FCRL5: variants seen among roughly 807,000 people sequenced by gnomAD.
FCRL5 encodes Fc receptor like 5.
In FCRL5, 79 loss-of-function variants were observed where a neutral mutation model predicts 92.1. That is an observed-to-expected ratio of 0.86 (90% CI 0.72 to 1.03). The LOEUF (loss-of-function observed/expected upper bound fraction) is 1.03, where lower values mean the gene tolerates loss of function less well. FCRL5 is among the 50% of genes least tolerant of loss of function. The pLI is 0.00. For missense variants in FCRL5, 1,160 were observed against 1,181.1 expected, an observed-to-expected ratio of 0.98 and a Z score of 0.26; for synonymous variants, 466 against 469.3, an observed-to-expected ratio of 0.99 and a Z score of 0.09.
intron 7 of FCRL5, among the ~76,000 whole-genome samples, chr1:157,536,154 C>T (rs1271405412): frequency 2.0e-5 from 3 of 151,974 alleles, no homozygotes; most frequent in Non-Finnish European, 4.4e-5. Context: ...GTTGGCCAGG[C>T]TGGTCTCAAA....
Position 157,544,367 on chromosome 1 carries a change from T to C in FCRL5, c.739A>G (p.Ile247Val). 6.2e-7 allele frequency: 1 copy of C among 1,614,176 alleles called. No individual in the cohort carries two copies. Among genetic ancestry groups the C allele is most frequent in the Non-Finnish European group, 8.5e-7 (1 of 1,180,026 alleles). The change falls in exon 5 of 17, where the codon ATT (isoleucine) becomes GTT (valine). Residue 247 changes from isoleucine to valine, a missense_variant. Physicochemically the swap from Ile to Val is conservative, Grantham distance 29 (BLOSUM62 3). Transcript: ENST00000361835. ...GAATCTTTACTCCACATGGCAGTAA[T>C]CTGGAAATTCGGGGAGAGACTCCAG... The part of the protein sequence containing the change: ...LGWSLSPNFQ[I>V]TAMWSKDSGF...
chr1:157,515,954 G>A lies in FCRL5; in HGVS notation c.2813-81C>T. 4 of 1,492,128 alleles carry A rather than the reference G, an allele frequency of 2.7e-6. No homozygotes were observed. The South Asian group carries it at 3.4e-5, about 13-fold the overall frequency. 92.4% of individuals were successfully genotyped at this position (1,492,128 alleles called of 1,614,324 possible). The stretch of plus-strand genomic sequence containing the variant: ...GTGCCTGCGCTGTGGGGCCAGCCCT[G>A]AGCCTCCTGGAGGCCCGCTCTCCCT... On this transcript the variant is annotated intron_variant, in intron 15 of 16. Coordinates refer to ENST00000361835, the MANE Select transcript of FCRL5 (RefSeq NM_031281.3).
At position 157,515,879 on chromosome 1, in the gene FCRL5, G is replaced by A. The variant is rs145226595; in HGVS notation, c.2813-6C>T. 4 of 1,613,590 alleles carry A rather than the reference G, an allele frequency of 2.5e-6. No individual in the cohort carries two copies. In the South Asian group the frequency reaches 3.3e-5, roughly 13 times the overall value. On this transcript the variant is annotated splice_polypyrimidine_tract_variant and splice_region_variant and intron_variant, in intron 15 of 16. Transcript: ENST00000361835. ...ATGCCTGGGGTCAGAGGCCACTGTG[G>A]AAAGAGGAAAGTGTTCAGTTGTGGA...
At chr1:157,523,561 CAG>C (rs1404152463) in intron 10 of FCRL5, among the ~76,000 whole-genome samples, 1 of 152,218 alleles carries the variant, frequency 6.6e-6, no homozygotes, top group Non-Finnish European at 1.5e-5. Flanking sequence ...TCTCTCTAAA[CAG>C]AGGTTTCAAA....
intron 9 of FCRL5, among the ~76,000 whole-genome samples, chr1:157,527,113 G>A (rs1273543539): frequency 1.3e-5 from 2 of 152,208 alleles, no homozygotes; most frequent in African/African-American, 4.8e-5. Flanking sequence ...ACAGGAGCAG[G>A]TAAGGAGGCA....
At chr1:157,548,355 A>C (rs1000436157) in intron 2 of FCRL5, among the ~76,000 whole-genome samples, 1 of 152,214 alleles carries the variant, frequency 6.6e-6, no homozygotes, top group African/African-American at 2.4e-5. Context: ...AGGCAATACC[A>C]TTCAGGACAT....
intron 12 of FCRL5, among the ~76,000 whole-genome samples, chr1:157,520,181 A>G (rs1167539740): frequency 6.6e-6 from 1 of 152,208 alleles, no homozygotes; most frequent in African/African-American, 2.4e-5. Flanking sequence ...CGAGAGGAAG[A>G]CACTCTGTAG....
chr1:157,516,096 TG>T lies in FCRL5; in HGVS notation c.2813-224del, dbSNP rs957621957. ...CTCTTCAACTCCCCTTCACACTTTGTGGCCCACTCTGAGCTGCCTAGAGGCC... is the reference window on the plus strand; with the variant it reads ...CTCTTCAACTCCCCTTCACACTTTGTGCCCACTCTGAGCTGCCTAGAGGCC... On this transcript the variant is annotated intron_variant, in intron 15 of 16. Coordinates refer to ENST00000361835, the MANE Select transcript of FCRL5 (RefSeq NM_031281.3). 1.3e-4 allele frequency: 83 copies of T among 626,810 alleles called. No individual in the cohort carries two copies. In the African/African-American group the frequency reaches 1.3e-3, roughly 10 times the overall value. The allele number at this position is 626,810 out of a possible 1,614,324, so 38.8% of individuals were successfully genotyped here. A position where few individuals can be genotyped will look rare whatever the true frequency, so the allele number is the denominator to read the frequency against.
chr1:157,524,493 C>T lies in FCRL5; in HGVS notation c.2025G>A (p.Leu675=). 1 of 1,614,108 alleles carries T rather than the reference C, an allele frequency of 6.2e-7. No homozygotes were observed. The highest frequency in any genetic ancestry group is 8.5e-7 in the Non-Finnish European group (1 of 1,179,950). Reference sequence around the variant, plus strand: ...TCAGGGCCTCACAGTGAAGCTCCAGCAGGTCCCCCACCACAGCCTGGGCCC... The same window carrying T: ...TCAGGGCCTCACAGTGAAGCTCCAGTAGGTCCCCCACCACAGCCTGGGCCC... ...APRAQAVVGD[L]LELHCEALRG... The change falls in exon 10 of 17, where the codon CTG becomes CTA. Residue 675 remains leucine (L), a synonymous_variant. Coordinates refer to ENST00000361835, the MANE Select transcript of FCRL5 (RefSeq NM_031281.3).
intron 5 of FCRL5, among the ~76,000 whole-genome samples, chr1:157,543,501 A>G (rs1651369998): frequency 6.6e-6 from 1 of 152,070 alleles, no homozygotes; most frequent in Admixed American, 6.5e-5. Context: ...TTCTTTATTT[A>G]CAGGTGAGAA....
In FCRL5 at chr1:157,543,059, C is replaced by A; in HGVS notation, c.923G>T (p.Cys308Phe). The A allele has an allele frequency of 6.2e-7, 1 of 1,614,224 alleles. No individual in the cohort carries two copies. Among genetic ancestry groups the A allele is most frequent in the Non-Finnish European group, 8.5e-7 (1 of 1,180,034 alleles). Residue 308 changes from cysteine to phenylalanine, a missense_variant, in exon 6 of 17, where the codon TGT (cysteine) becomes TTT (phenylalanine). By Grantham distance (205) the Cys-to-Phe change is radical. Coordinates refer to ENST00000361835, the MANE Select transcript of FCRL5 (RefSeq NM_031281.3). ...GCGCAGAGAATCTTCCTGGGTTTCACAGTGAAGTGTCACCTTGGTTCCCTC... is the reference window on the plus strand; with the variant it reads ...GCGCAGAGAATCTTCCTGGGTTTCAAAGTGAAGTGTCACCTTGGTTCCCTC... ...NFEGTKVTLH[C>F]ETQEDSLRTL...
rs372913718 is a variant in FCRL5, at chr1:157,539,213, C to T, written c.1275G>A (p.Ser425=). The T allele has an allele frequency of 6.1e-5, 98 of 1,614,128 alleles. No homozygotes were observed. The highest frequency in any genetic ancestry group is 3.3e-4 in the Middle Eastern group (2 of 6,062). The change falls in exon 7 of 17, where the codon TCG becomes TCA. Residue 425 remains serine (S), a synonymous_variant. Transcript: ENST00000361835. The part of the protein sequence containing the change: ...HHEGAALERR[S]ANSAGGVAIS... ...TGGCCACTCCTCCTGCAGAGTTGGC[C>T]GACCTACGCTCCAGGGCAGCACCCT...
intron 10 of FCRL5, among the ~76,000 whole-genome samples, chr1:157,523,171 C>A (rs1650275297): frequency 1.3e-5 from 2 of 152,200 alleles, no homozygotes; most frequent in African/African-American, 2.4e-5. Context: ...TACCCAGGCA[C>A]CTTGCCAAAG....
At chr1:157,517,767 C>A (rs1649994004) in intron 15 of FCRL5, among the ~76,000 whole-genome samples, 1 of 152,152 alleles carries the variant, frequency 6.6e-6, no homozygotes, top group Admixed American at 6.5e-5. Flanking sequence ...CAATCAGAAA[C>A]TAGTACAGGT....
Position 157,544,970 on chromosome 1 carries a change from A to G in FCRL5, c.420T>C (p.Asn140=), listed in dbSNP as rs767868994. ...TLNNTIYKND[N]VLAFLNKRTD... ...TTCTTTTATTAAGGAATGCCAGGAC[A>G]TTATCATTCTTGTAAATAGTATTAT... is the stretch of plus-strand genomic sequence containing the variant. Residue 140 remains asparagine (N), a synonymous_variant, in exon 4 of 17, where the codon AAT becomes AAC. Coordinates refer to ENST00000361835, the MANE Select transcript of FCRL5 (RefSeq NM_031281.3). 6.8e-6 allele frequency: 11 copies of G among 1,614,106 alleles called. No individual in the cohort carries two copies. The African/African-American group carries it at 1.2e-4, about 18-fold the overall frequency.
chr1:157,547,185 C>A lies in FCRL5; in HGVS notation c.65G>T (p.Arg22Met), dbSNP rs757032401. The change falls in exon 3 of 17, where the codon AGG becomes ATG. Residue 22 changes from arginine (R) to methionine (M), a missense_variant. Coordinates refer to ENST00000361835, the MANE Select transcript of FCRL5 (RefSeq NM_031281.3). ...TGGAGGCTGGAGGAAAATAATGGGC[C>A]TGGGTGTCCTTGCTGAAGAGGAAAG... ...PVSGQFARTP[R>M]PIIFLQPPWT... The A allele has an allele frequency of 3.1e-6, 5 of 1,613,736 alleles. No homozygotes were observed. The highest frequency in any genetic ancestry group is 4.2e-6 in the Non-Finnish European group (5 of 1,180,006).
chr1:157,534,178 C>G, intron 8 of FCRL5: 2 of 426,818 alleles, frequency 4.7e-6, no homozygotes, highest in Non-Finnish European at 8.8e-6. Flanking sequence ...GCCATTTCCC[C>G]CTTTGTTCAC....
At chr1:157,549,702 C>G in intron 1 of FCRL5, 122 bp from the exon 2 acceptor site, 1 of 707,638 alleles carries the variant, frequency 1.4e-6, no homozygotes, top group Admixed American at 3.2e-5. Context: ...TTTAAAAACT[C>G]TAATAATTAT....
intron 1 of FCRL5, among the ~76,000 whole-genome samples, chr1:157,551,278 A>C (rs1231500901): frequency 1.3e-5 from 2 of 152,204 alleles, no homozygotes; most frequent in African/African-American, 4.8e-5. Flanking sequence ...TCTCATGCTC[A>C]GGACCTGGCC....
Sources: gnomAD v4.1 joint callset for allele counts (sites outside exome capture counted in the v4.1 genomes callset) on GRCh38, gnomAD v4.1.1 for gene constraint, MANE v1.5 for transcripts, NCBI Gene and HGNC (gene_info 2026-07-23, HGNC 2026-07-21) for gene names.